Variants in TIAM2 observed in about 807,000 individuals in gnomAD.
The protein encoded by TIAM2 is TIAM Rac1 associated GEF 2, also known as rho guanine nucleotide exchange factor TIAM2.
A neutral mutation model predicts 152.9 loss-of-function variants in TIAM2; 80 were observed. The observed-to-expected ratio is 0.52, with a 90% CI of 0.44 to 0.63. The LOEUF (loss-of-function observed/expected upper bound fraction) is 0.63. Ranked by LOEUF, TIAM2 falls within the 30% of genes least tolerant of loss-of-function variation. TIAM2 has a pLI of 0.00. For missense variants in TIAM2, 1,965 were observed against 2,120.1 expected (o/e 0.93, Z 1.44); for synonymous variants, 804 against 838.0 (o/e 0.96, Z 0.70).
At position 155,213,363 on chromosome 6, in the gene TIAM2, G is replaced by A. The variant is rs927350923; in HGVS notation, c.3168+2056G>A. Among the ~76,000 whole-genome samples, 5 of 152,158 alleles carry A rather than the reference G, an allele frequency of 3.3e-5. No individual in the cohort carries two copies. The highest frequency in any genetic ancestry group is 1.2e-4 in the African/African-American group (5 of 41,448). ...CTCTCAGCAGAGAGCAGACCCTGGA[G>A]TGGGTAGCTCCTCTCCACAGCTGGT... On this transcript the variant is annotated intron_variant, in intron 15 of 26. Transcript: ENST00000682666. The surrounding 1 kb of genome is among the most constrained non-coding windows in gnomAD (Gnocchi z 4.2).
At chr6:155,192,842 A>G (rs1053020212) in intron 14 of TIAM2, among the ~76,000 whole-genome samples, 1 of 152,110 alleles carries the variant, frequency 6.6e-6, no homozygotes, top group Non-Finnish European at 1.5e-5. Context: ...GTATTTTGAT[A>G]CTCCTTTCAG....
Position 155,186,790 on chromosome 6 carries a change from CA to C in TIAM2, c.3064+3295del, listed in dbSNP as rs1781052660. ...TAAAAAAGTTAAAATTTACGGAAAT[CA>C]AAAATTTAAATGACTTTGAAAAACA... On this transcript the variant is annotated intron_variant, in intron 14 of 26. Coordinates refer to ENST00000682666, the MANE Select transcript of TIAM2 (RefSeq NM_012454.4). This position sits in a 1 kb window ranked among gnomAD's most constrained non-coding sequence, Gnocchi z 4.5. Among the ~76,000 whole-genome samples, 1 of 152,098 alleles carries C rather than the reference CA, an allele frequency of 6.6e-6. No individual in the cohort carries two copies. Among genetic ancestry groups the C allele is most frequent in the African/African-American group, 2.4e-5 (1 of 41,422 alleles).
intron 15 of TIAM2, among the ~76,000 whole-genome samples, chr6:155,238,213 C>T (rs762428782): frequency 1.3e-5 from 2 of 152,216 alleles, no homozygotes; most frequent in South Asian, 2.1e-4. Context: ...TAAAACATAA[C>T]AAGGGTCAGC....
chr6:155,256,451 G>A, intron 26 of TIAM2, 33 bp from the exon 27 acceptor site: 2 of 1,613,734 alleles, frequency 1.2e-6, no homozygotes, highest in Non-Finnish European at 1.7e-6. Flanking sequence ...ACCTGTTTCT[G>A]TATCACAGCG....
At chr6:155,253,201 G>T in intron 24 of TIAM2, 148 bp downstream of exon 24, 1 of 657,708 alleles carries the variant, frequency 1.5e-6, no homozygotes, top group South Asian at 2.0e-5. Context: ...TTGTTTTGAT[G>T]TTCCTTAGCA....
chr6:155,017,679 A>G (rs888157016), intron 1 of TIAM2, among the ~76,000 whole-genome samples: 7 of 151,156 alleles, frequency 4.6e-5, no homozygotes, highest in Non-Finnish European at 1.0e-4. Context: ...AATTTTTTGT[A>G]TTTTTTGTAG....
chr6:155,135,069 C>T (rs1779528551), intron 4 of TIAM2, among the ~76,000 whole-genome samples: 1 of 152,044 alleles, frequency 6.6e-6, no homozygotes, highest in Non-Finnish European at 1.5e-5. Context: ...CTAAAGTTTC[C>T]TGTCCAAGTG....
chr6:155,155,141 T>C (rs1175740710), intron 7 of TIAM2, among the ~76,000 whole-genome samples: 1 of 152,162 alleles, frequency 6.6e-6, no homozygotes, highest in African/African-American at 2.4e-5. Context: ...TTTTATTTTT[T>C]ATTTTTTAAG....
chr6:155,089,294 T>C (rs1464911495), intron 1 of TIAM2, among the ~76,000 whole-genome samples: 1 of 152,050 alleles, frequency 6.6e-6, no homozygotes, highest in Non-Finnish European at 1.5e-5. Context: ...CTCAGCTCAT[T>C]GCAACCTCTG....
At chr6:155,239,250 A>G (rs887637192) in intron 15 of TIAM2, among the ~76,000 whole-genome samples, 1 of 152,236 alleles carries the variant, frequency 6.6e-6, no homozygotes, top group South Asian at 2.1e-4. Flanking sequence ...TGACAGTCAG[A>G]AAGTTGCTGG....
intron 1 of TIAM2, among the ~76,000 whole-genome samples, chr6:155,054,875 G>A (rs983976868): frequency 1.3e-5 from 2 of 152,236 alleles, no homozygotes; most frequent in African/African-American, 4.8e-5. Flanking sequence ...TGGTGAAAGA[G>A]AAGGCAGGGA....
At chr6:155,044,860 A>G (rs1777131270) in intron 1 of TIAM2, among the ~76,000 whole-genome samples, 1 of 151,384 alleles carries the variant, frequency 6.6e-6, no homozygotes, top group African/African-American at 2.4e-5. Context: ...TATGTCTCCG[A>G]ATATATTATC....
intron 1 of TIAM2, among the ~76,000 whole-genome samples, chr6:155,021,354 C>A (rs1284781363): frequency 6.6e-6 from 1 of 152,004 alleles, no homozygotes; most frequent in Non-Finnish European, 1.5e-5. Flanking sequence ...CTCTGCCTCC[C>A]GGGTTAAATC....
At chr6:155,012,900 A>G (rs1189349507) in intron 1 of TIAM2, among the ~76,000 whole-genome samples, 1 of 152,196 alleles carries the variant, frequency 6.6e-6, no homozygotes, top group Non-Finnish European at 1.5e-5. Flanking sequence ...AAAATCTTAC[A>G]ATGTAGCATT....
At chr6:155,151,155 G>A (rs755743022) in intron 7 of TIAM2, among the ~76,000 whole-genome samples, 2 of 152,150 alleles carry the variant, frequency 1.3e-5, no homozygotes, top group Non-Finnish European at 1.5e-5. Context: ...GCCTGACTCC[G>A]GGTCCCTTTC....
At chr6:155,215,782 AT>A (rs200042228) in intron 15 of TIAM2, among the ~76,000 whole-genome samples, 128 of 121,414 alleles carry the variant, frequency 1.1e-3, no homozygotes, top group African/African-American at 2.6e-3. Context: ...CCTCTTCTGG[AT>A]TTTTTTTTTA....
chr6:155,100,087 T>C (rs1183550045), intron 2 of TIAM2, among the ~76,000 whole-genome samples: 1 of 151,696 alleles, frequency 6.6e-6, no homozygotes, highest in Non-Finnish European at 1.5e-5. Flanking sequence ...CATGACTGTA[T>C]TAAGTTTTTT....
rs1181004178 is a variant in TIAM2 at position 155,211,191 on chromosome 6, A to AT, written c.3065-7dup. The stretch of plus-strand genomic sequence containing the variant: ...GGCCAAACTCATATATGTTTTTGTC[A>AT]TTTTTTATGCAGATTTCAGCAACGT... On this transcript the variant is annotated splice_polypyrimidine_tract_variant and intron_variant, in intron 14 of 26. Transcript: ENST00000682666. 1.2e-6 allele frequency: 2 copies of AT among 1,610,846 alleles called. No individual in the cohort carries two copies. The highest frequency in any genetic ancestry group is 2.2e-5 in the East Asian group (1 of 44,830).
intron 16 of TIAM2, among the ~76,000 whole-genome samples, chr6:155,242,615 G>A (rs113396338): frequency 0.012 from 1,884 of 152,324 alleles, 34 homozygotes; most frequent in Non-Finnish European, 0.015. Context: ...TGGGAAGTGA[G>A]GGAGTTATTA....
Sources: gnomAD v4.1 joint callset for allele counts (sites outside exome capture counted in the v4.1 genomes callset) on GRCh38, gnomAD v4.1.1 for gene constraint, Gnocchi (gnomAD v3.1) non-coding constraint, MANE v1.5 for transcripts, NCBI Gene and HGNC (gene_info 2026-07-23, HGNC 2026-07-21) for gene names.